The following MAD1L1 variants were observed in gnomAD, a reference collection of about 807,000 sequenced individuals.
MAD1L1 encodes mitotic arrest deficient 1 like 1.
Under a neutral mutation model 96.9 loss-of-function variants are expected in MAD1L1, and 95 were observed. The observed-to-expected ratio is 0.98, with a 90% CI of 0.83 to 1.16. The LOEUF is 1.16. Among genes scored for constraint, MAD1L1 ranks in the 50% most tolerant of loss-of-function variants. The pLI is 0.00. For missense variants in MAD1L1, 1,007 were observed against 954.4 expected (o/e 1.06, Z -0.73); for synonymous variants, 473 against 396.6 (o/e 1.19, Z -2.29).
In MAD1L1 at chr7:1,959,677, C is replaced by T. The variant is rs777868323; in HGVS notation, c.1506-1958G>A. 7.2e-5 allele frequency among the ~76,000 whole-genome samples: 11 copies of T among 152,290 alleles called. No homozygotes were observed. In the East Asian group the frequency reaches 1.2e-3, roughly 16 times the overall value. On this transcript the variant is annotated intron_variant, in intron 15 of 18. Transcript: ENST00000265854. ...CTGAAATAACGAAAGAAATAAAAACCGCCACCTTAACGGTGAAAACATCTC... is the reference window on the plus strand; with the variant it reads ...CTGAAATAACGAAAGAAATAAAAACTGCCACCTTAACGGTGAAAACATCTC...
chr7:1,911,293 ACTT>A (rs544211352), intron 17 of MAD1L1, among the ~76,000 whole-genome samples: 8 of 151,840 alleles, frequency 5.3e-5, no homozygotes, highest in Non-Finnish European at 1.2e-4. Context: ...TCCAAATTCT[ACTT>A]CCTGTCACCC....
chr7:2,231,504 G>A (rs917875016), intron 1 of MAD1L1, among the ~76,000 whole-genome samples: 1 of 152,016 alleles, frequency 6.6e-6, no homozygotes, highest in Admixed American at 6.6e-5. Context: ...CTACTCCGGA[G>A]GCTGGGACAG....
chr7:2,197,303 C>T (rs892282847), intron 10 of MAD1L1, among the ~76,000 whole-genome samples: 1 of 152,204 alleles, frequency 6.6e-6, no homozygotes, highest in Non-Finnish European at 1.5e-5. Context: ...GACATATGCC[C>T]GGCTAGATCT....
intron 15 of MAD1L1, among the ~76,000 whole-genome samples, chr7:1,974,002 C>A (rs889151474): frequency 1.3e-5 from 2 of 152,234 alleles, no homozygotes; most frequent in African/African-American, 4.8e-5. Flanking sequence ...GGGCACTCTG[C>A]TGGCTTCTGC....
chr7:2,042,314 GAC>G (rs1376705002), intron 12 of MAD1L1, among the ~76,000 whole-genome samples: 4 of 147,674 alleles, frequency 2.7e-5, no homozygotes, highest in Middle Eastern at 3.5e-3. Context: ...GATGTGCACA[GAC>G]ACACAGGCAC....
intron 17 of MAD1L1, among the ~76,000 whole-genome samples, chr7:1,920,631 T>C (rs991651868): frequency 2.6e-5 from 4 of 152,150 alleles, no homozygotes. Context: ...AGACCTCACG[T>C]TCCACAGCCG....
At position 2,205,093 on chromosome 7, in the gene MAD1L1, T is replaced by C. The variant is rs1055586258; in HGVS notation, c.986+8119A>G. Among the ~76,000 whole-genome samples the C allele has an allele frequency of 8.2e-5, 11 of 134,950 alleles. No homozygotes were observed. In the South Asian group the frequency reaches 1.8e-3, roughly 22 times the overall value. The allele number at this position is 134,950 out of a possible 152,430, so 88.5% of individuals were successfully genotyped here. On this transcript the variant is annotated intron_variant, in intron 10 of 18. Transcript: ENST00000265854. ...CCTCACAGGATCTTTTCTTTTTTTT[T>C]TTTTTTTTTTTTTTGCTTATTCTAA...
Position 2,149,236 on chromosome 7 carries a change from G to C in MAD1L1, c.989C>G (p.Thr330Ser). The C allele has an allele frequency of 6.2e-7, 1 of 1,613,310 alleles. No individual in the cohort carries two copies. Among genetic ancestry groups the C allele is most frequent in the Non-Finnish European group, 8.5e-7 (1 of 1,179,386 alleles). Residue 330 changes from threonine to serine, a missense_variant and splice_region_variant, in exon 11 of 19, where the codon ACT (threonine) becomes AGT (serine). Thr to Ser is a moderately conservative substitution (Grantham distance 58). Transcript: ENST00000265854. ...CACGAATCTGGAAAGGTCTTCTGGA[G>C]TCCTGCAGGATAAACAAGGCACACT... ...LDQTMGLSIR[T>S]PEDLSRFVVE... is the part of the protein sequence containing the mutation.
chr7:1,875,128 C>T (rs1443254800), intron 18 of MAD1L1, among the ~76,000 whole-genome samples: 2 of 152,146 alleles, frequency 1.3e-5, no homozygotes, highest in African/African-American at 4.8e-5. Flanking sequence ...AGACGACTAA[C>T]GAGCAGCTCC....
chr7:2,170,346 C>T (rs1790652167), intron 10 of MAD1L1, among the ~76,000 whole-genome samples: 1 of 152,214 alleles, frequency 6.6e-6, no homozygotes, highest in African/African-American at 2.4e-5. Flanking sequence ...TTACCAAGCA[C>T]TGTTCAAAGC....
At chr7:2,081,304 T>G (rs145996575) in intron 11 of MAD1L1, among the ~76,000 whole-genome samples, 68 of 152,190 alleles carry the variant, frequency 4.5e-4, no homozygotes, top group African/African-American at 1.6e-3. Context: ...CCCTTCCTCA[T>G]CTGGATCATA....
chr7:1,923,486 G>GGGCAACCCCGCGCTCTTCCGCCCCGGCAC (rs1562527703), intron 17 of MAD1L1, among the ~76,000 whole-genome samples: 19,937 of 150,336 alleles, frequency 0.13, 2,116 homozygotes, highest in South Asian at 0.23. Flanking sequence ...CGCCCCGGCA[G>GGGCAACCCCGCGCTCTTCCGCCCCGGCAC]CCGGGCAACC....
chr7:2,106,492 G>A (rs769706483), intron 11 of MAD1L1, among the ~76,000 whole-genome samples: 14 of 151,650 alleles, frequency 9.2e-5, no homozygotes, highest in Non-Finnish European at 1.3e-4. Context: ...CAGGCTCTCC[G>A]AGGCTCCCTC....
intron 12 of MAD1L1, among the ~76,000 whole-genome samples, chr7:2,046,978 C>T (rs1783952241): frequency 6.6e-6 from 1 of 152,234 alleles, no homozygotes; most frequent in Admixed American, 6.5e-5. Context: ...ACAAAGGAAA[C>T]TGGAGGATCA....
At chr7:1,948,935 G>A (rs954090635) in intron 16 of MAD1L1, among the ~76,000 whole-genome samples, 1 of 152,202 alleles carries the variant, frequency 6.6e-6, no homozygotes, top group Non-Finnish European at 1.5e-5. Context: ...GCTCTGGAGG[G>A]AGACCCAGGC....
intron 3 of MAD1L1, among the ~76,000 whole-genome samples, chr7:2,226,091 T>C (rs1268272144): frequency 1.3e-5 from 2 of 152,232 alleles, no homozygotes; most frequent in Admixed American, 6.5e-5. Flanking sequence ...TCTCCTGCTA[T>C]GTCTCTTGAC....
chr7:2,056,912 C>G (rs537040064), intron 12 of MAD1L1, among the ~76,000 whole-genome samples: 2 of 152,338 alleles, frequency 1.3e-5, no homozygotes, highest in African/African-American at 4.8e-5. Context: ...GCCCCACAAC[C>G]TTCCCAAGTA....
chr7:2,056,251 A>G (rs1313146265), intron 12 of MAD1L1, among the ~76,000 whole-genome samples: 1 of 152,126 alleles, frequency 6.6e-6, no homozygotes, highest in Non-Finnish European at 1.5e-5. Context: ...AAGACCAAAA[A>G]TTTTCAGTAT....
rs202022778 is a variant in MAD1L1, at chr7:2,222,609, C to T, written c.437G>A (p.Arg146His). Residue 146 changes from arginine (R) to histidine (H), a missense_variant, in exon 5 of 19, where the codon CGT becomes CAT. Arg to His is a conservative substitution (Grantham distance 29). Coordinates refer to ENST00000265854, the MANE Select transcript of MAD1L1 (RefSeq NM_001013836.2). ...CTGGGCCAGACTGTCCTCTTTCTCA[C>T]GCAGCCTCTTGCTGGCAGCATCCAA... is the stretch of plus-strand genomic sequence containing the variant. ...QNLDAASKRLREKEDSLAQAG... is the reference protein window; with the variant it reads ...QNLDAASKRLHEKEDSLAQAG... 13 of 1,611,902 alleles carry T rather than the reference C, an allele frequency of 8.1e-6. No individual in the cohort carries two copies. Among genetic ancestry groups the T allele is most frequent in the Middle Eastern group, 1.6e-4 (1 of 6,076 alleles).
Sources: gnomAD v4.1 joint callset for allele counts (sites outside exome capture counted in the v4.1 genomes callset) on GRCh38, gnomAD v4.1.1 for gene constraint, MANE v1.5 for transcripts, NCBI Gene and HGNC (gene_info 2026-07-23, HGNC 2026-07-21) for gene names.